ADARB2: variants seen among roughly 807,000 people sequenced by gnomAD.
ADARB2 encodes inactive double-stranded RNA-specific editase B2.
In ADARB2, 25 loss-of-function variants were observed where a neutral mutation model predicts 62.2. The ratio of observed to expected loss-of-function variants is 0.40; its 90% CI spans 0.29 to 0.56. The LOEUF (loss-of-function observed/expected upper bound fraction) is 0.56, where lower values mean the gene tolerates loss of function less well. Among genes scored for constraint, ADARB2 ranks in the 20% least tolerant of loss-of-function variants. The pLI is 0.43. For synonymous variants in ADARB2, 572 were observed against 500.8 expected (o/e 1.14, Z -1.90); for missense variants, 1,071 against 1,077.4 (o/e 0.99, Z 0.08).
intron 5 of ADARB2, among the ~76,000 whole-genome samples, chr10:1,241,743 G>A (rs1313814985): frequency 2.0e-5 from 3 of 152,186 alleles, no homozygotes; most frequent in Non-Finnish European, 4.4e-5. Flanking sequence ...AAGACAGCGC[G>A]TCTCCAAGCC....
chr10:1,245,599 G>A (rs1830978607), intron 4 of ADARB2, among the ~76,000 whole-genome samples: 2 of 148,410 alleles, frequency 1.3e-5, no homozygotes, highest in South Asian at 4.2e-4. Flanking sequence ...TTGGTTTTTT[G>A]TCCTTGTGAT....
At position 1,374,596 on chromosome 10, in the gene ADARB2, C is replaced by G. The variant is rs911305522; in HGVS notation, c.187+4478G>C. Among the ~76,000 whole-genome samples, 6 of 152,242 alleles carry G rather than the reference C, an allele frequency of 3.9e-5. No individual in the cohort carries two copies. The South Asian group carries it at 6.2e-4, about 16-fold the overall frequency. ...AGAGCATGTGCGGGTGGGGCCAGGC[C>G]GGGTGGGTCTGCCCTCCCTCTGCCC... On this transcript the variant is annotated intron_variant, in intron 2 of 9. Transcript: ENST00000381312.
intron 1 of ADARB2, among the ~76,000 whole-genome samples, chr10:1,547,047 G>A (rs7083535): frequency 0.059 from 9,030 of 152,292 alleles, 861 homozygotes; most frequent in African/African-American, 0.2. Flanking sequence ...CGTCGAGAGC[G>A]GGACGCGGGT....
At position 1,690,369 on chromosome 10, in the gene ADARB2, T is replaced by C. The variant is rs547747391; in HGVS notation, c.100+46682A>G. Among the ~76,000 whole-genome samples, 3 of 152,320 alleles carry C rather than the reference T, an allele frequency of 2.0e-5. No homozygotes were observed. The East Asian group carries it at 5.8e-4, about 29-fold the overall frequency. ...CAGATATTAAATACAAGTTGTCGTG[T>C]GTGGGTGTAGAATTGCTGATCCAAA... On this transcript the variant is annotated intron_variant, in intron 1 of 9. Coordinates refer to ENST00000381312, the MANE Select transcript of ADARB2 (RefSeq NM_018702.4).
chr10:1,460,578 G>A lies in ADARB2; in HGVS notation c.101-81418C>T, dbSNP rs546232367. 6.5e-4 allele frequency among the ~76,000 whole-genome samples: 64 copies of A among 98,828 alleles called. 1 individual carries two copies. Among genetic ancestry groups the A allele is most frequent in the Admixed American group, 1.2e-3 (12 of 10,260 alleles). 64.8% of individuals were successfully genotyped at this position (98,828 alleles called of 152,430 possible). A position where few individuals can be genotyped will look rare whatever the true frequency, so the allele number is the denominator to read the frequency against. On this transcript the variant is annotated intron_variant, in intron 1 of 9. Coordinates refer to ENST00000381312, the MANE Select transcript of ADARB2 (RefSeq NM_018702.4). ...CGTAACGAACCTGCCTGTGACCTGA[G>A]TTTACCTGCGTTACGAACCTGCCTG...
intron 3 of ADARB2, among the ~76,000 whole-genome samples, chr10:1,351,873 T>C (rs367666950): frequency 0.12 from 16,555 of 140,442 alleles, 2,138 homozygotes; most frequent in African/African-American, 0.28. Flanking sequence ...TCAGGATCTG[T>C]GCCTTATCAA....
intron 3 of ADARB2, among the ~76,000 whole-genome samples, chr10:1,348,455 A>G: frequency 6.6e-6 from 1 of 152,042 alleles, no homozygotes; most frequent in East Asian, 1.9e-4. Flanking sequence ...TGCCAGCCTG[A>G]GCAGTGCTTG....
chr10:1,716,495 T>C (rs1234545590), intron 1 of ADARB2, among the ~76,000 whole-genome samples: 1 of 152,252 alleles, frequency 6.6e-6, no homozygotes, highest in Non-Finnish European at 1.5e-5. Context: ...TTTTATTGCA[T>C]TGATTGCTAA....
chr10:1,421,761 C>T (rs1481750277), intron 1 of ADARB2, among the ~76,000 whole-genome samples: 3 of 152,162 alleles, frequency 2.0e-5, no homozygotes, highest in Non-Finnish European at 4.4e-5. Flanking sequence ...AAGTGAACCC[C>T]AGGGCAGGGA....
chr10:1,522,309 C>T (rs192797342), intron 1 of ADARB2, among the ~76,000 whole-genome samples: 151 of 152,278 alleles, frequency 9.9e-4, no homozygotes, highest in African/African-American at 3.4e-3. Flanking sequence ...TCTCTGGCCT[C>T]ACAAACTATA....
intron 1 of ADARB2, among the ~76,000 whole-genome samples, chr10:1,406,450 G>A (rs2131875591): frequency 6.6e-6 from 1 of 152,282 alleles, no homozygotes; most frequent in African/African-American, 2.4e-5. Flanking sequence ...GGTCACTGAA[G>A]CCCACAGAGG....
intron 1 of ADARB2, among the ~76,000 whole-genome samples, chr10:1,433,412 G>A (rs544169426): frequency 6.6e-6 from 1 of 152,214 alleles, no homozygotes; most frequent in African/African-American, 2.4e-5. Context: ...AAAAGGCAGA[G>A]AGTATTGTCA....
intron 1 of ADARB2, among the ~76,000 whole-genome samples, chr10:1,629,659 C>T (rs1329210940): frequency 2.6e-5 from 4 of 151,340 alleles, no homozygotes; most frequent in Non-Finnish European, 4.4e-5. Context: ...TCCTGCAAGT[C>T]CAGCTCACCC....
chr10:1,627,993 C>T (rs1319213058), intron 1 of ADARB2, among the ~76,000 whole-genome samples: 1 of 152,228 alleles, frequency 6.6e-6, no homozygotes, highest in African/African-American at 2.4e-5. Flanking sequence ...CAGCTTGACC[C>T]TCCATCCTGG....
intron 7 of ADARB2, among the ~76,000 whole-genome samples, chr10:1,207,638 A>T (rs543973875): frequency 6.6e-6 from 1 of 152,226 alleles, no homozygotes; most frequent in South Asian, 2.1e-4. Context: ...CACAGGCTAA[A>T]ATTTAGGTTT....
chr10:1,190,432 T>G (rs1019444619), intron 8 of ADARB2, among the ~76,000 whole-genome samples: 1 of 152,258 alleles, frequency 6.6e-6, no homozygotes, highest in Non-Finnish European at 1.5e-5. Flanking sequence ...TAATGTGGTT[T>G]CCACATGCAC....
chr10:1,729,228 G>A (rs189434458), intron 1 of ADARB2, among the ~76,000 whole-genome samples: 2 of 152,264 alleles, frequency 1.3e-5, no homozygotes, highest in Admixed American at 6.5e-5. Context: ...ATAGTAAAAG[G>A]TATTGTTTTT....
intron 3 of ADARB2, among the ~76,000 whole-genome samples, chr10:1,316,941 C>T (rs1831745362): frequency 6.6e-6 from 1 of 152,224 alleles, no homozygotes; most frequent in African/African-American, 2.4e-5. Context: ...TGCTTGTATG[C>T]AAAACGCAGC....
chr10:1,735,896 G>A (rs1020252693), intron 1 of ADARB2, among the ~76,000 whole-genome samples: 2 of 152,210 alleles, frequency 1.3e-5, no homozygotes, highest in Non-Finnish European at 2.9e-5. Flanking sequence ...AGGACCTGGT[G>A]ACGGTTCGAG....
Sources: gnomAD v4.1 joint callset for allele counts (sites outside exome capture counted in the v4.1 genomes callset) on GRCh38, gnomAD v4.1.1 for gene constraint, MANE v1.5 for transcripts, NCBI Gene and HGNC (gene_info 2026-07-23, HGNC 2026-07-21) for gene names.